SI: variants seen among roughly 807,000 people sequenced by gnomAD.
The protein encoded by SI is sucrase-isomaltase, intestinal.
In SI, 235 loss-of-function variants were observed where a neutral mutation model predicts 253.3. The observed-to-expected ratio is 0.93, with a 90% CI of 0.83 to 1.03. The LOEUF is 1.03. Among genes scored for constraint, SI ranks in the 50% least tolerant of loss-of-function variants. The pLI, the probability that SI is intolerant of heterozygous loss-of-function variation, is 0.00. For synonymous variants in SI, 819 were observed against 712.0 expected, an observed-to-expected ratio of 1.15 and a Z score of -2.39; for missense variants, 2,442 against 2,211.1, an observed-to-expected ratio of 1.10 and a Z score of -2.09.
chr3:165,053,796 G>T (rs1222947682), intron 13 of SI, among the ~76,000 whole-genome samples: 1 of 151,720 alleles, frequency 6.6e-6, no homozygotes, highest in Non-Finnish European at 1.5e-5. Flanking sequence ...AATCAAAGTG[G>T]CTCCTAACTA....
At position 165,030,880 on chromosome 3, in the gene SI, A is replaced by C. The variant is rs551368978; in HGVS notation, c.2737-13T>G. 7.4e-6 allele frequency: 11 copies of C among 1,496,294 alleles called. No individual in the cohort carries two copies. The African/African-American group carries it at 1.0e-4, about 14-fold the overall frequency. The allele number at this position is 1,496,294 out of a possible 1,614,324, so 92.7% of individuals were successfully genotyped here. ...CAATTAGGAGAACCTTTGAAGACAA[A>C]AAAAAAAAAAGAAAAAAAGAAAAAA... On this transcript the variant is annotated splice_polypyrimidine_tract_variant and intron_variant, in intron 24 of 47. Transcript: ENST00000264382.
chr3:165,015,310 G>A lies in SI; in HGVS notation c.3889-77C>T, dbSNP rs2108171171. 3 of 917,060 alleles carry A rather than the reference G, an allele frequency of 3.3e-6. No individual in the cohort carries two copies. The Middle Eastern group carries it at 6.4e-4, about 194-fold the overall frequency. The allele number at this position is 917,060 out of a possible 1,614,324, so 56.8% of individuals were successfully genotyped here. A position where few individuals can be genotyped will look rare whatever the true frequency, so the allele number is the denominator to read the frequency against. Reference sequence around the variant, plus strand: ...CTTGGACAGTGATTATGAAGCATAAGTTTTCATTACTACATTATCATAATA... The same window carrying A: ...CTTGGACAGTGATTATGAAGCATAAATTTTCATTACTACATTATCATAATA... On this transcript the variant is annotated intron_variant, in intron 32 of 47. Coordinates refer to ENST00000264382, the MANE Select transcript of SI (RefSeq NM_001041.4).
chr3:165,003,146 T>C (rs1303916598), intron 37 of SI, among the ~76,000 whole-genome samples: 1 of 151,866 alleles, frequency 6.6e-6, no homozygotes, highest in Non-Finnish European at 1.5e-5. Context: ...TTATTTAAAT[T>C]TACTAAGCAT....
At chr3:165,078,971 G>T (rs2108124282), upstream of SI, among the ~76,000 whole-genome samples, 1 of 151,554 alleles carries the variant, frequency 6.6e-6, no homozygotes, top group South Asian at 2.1e-4. Context: ...TCTTAAGGTT[G>T]AAAAAGTGAC....
intron 1 of SI, among the ~76,000 whole-genome samples, chr3:165,077,359 C>T (rs973637364): frequency 6.6e-6 from 1 of 151,572 alleles, no homozygotes; most frequent in Admixed American, 6.6e-5. Flanking sequence ...ATGTCCATTG[C>T]AATTATTTAT....
At chr3:165,021,588 T>C (rs1711623483) in intron 26 of SI, among the ~76,000 whole-genome samples, 1 of 151,610 alleles carries the variant, frequency 6.6e-6, no homozygotes, top group Non-Finnish European at 1.5e-5. Flanking sequence ...GAATACTGCA[T>C]TTTTGAACCT....
chr3:164,990,213 G>A (rs1652827276), intron 44 of SI, among the ~76,000 whole-genome samples: 1 of 152,142 alleles, frequency 6.6e-6, no homozygotes, highest in Admixed American at 6.6e-5. Context: ...CAATTTTGCT[G>A]TATAAAACTG....
the SI span, among the ~76,000 whole-genome samples, chr3:165,084,497 T>A: frequency 6.6e-6 from 1 of 152,046 alleles, no homozygotes; most frequent in African/African-American, 2.4e-5. Context: ...TCATTTGATA[T>A]GTAAAAATTT....
At chr3:165,030,589 C>T (rs1277237186) in intron 25 of SI, 123 bp downstream of exon 25, 5 of 1,026,806 alleles carry the variant, frequency 4.9e-6, no homozygotes, top group African/African-American at 3.3e-5. Context: ...ACTTCAAATT[C>T]CAAATGATTA....
chr3:165,087,925 C>T, the SI span, among the ~76,000 whole-genome samples: 665 of 152,108 alleles, frequency 4.4e-3, 3 homozygotes, highest in African/African-American at 0.015. Flanking sequence ...GTTTTAATGC[C>T]AGAAGGTATA....
intron 33 of SI, among the ~76,000 whole-genome samples, chr3:165,014,311 C>G (rs553937310): frequency 6.6e-6 from 1 of 151,902 alleles, no homozygotes; most frequent in Admixed American, 6.6e-5. Flanking sequence ...TTCAGTGGCT[C>G]GATCTTGGCT....
At chr3:164,983,923 A>C (rs1399974425) in intron 45 of SI, among the ~76,000 whole-genome samples, 1 of 152,100 alleles carries the variant, frequency 6.6e-6, no homozygotes, top group African/African-American at 2.4e-5. Context: ...TTTAAAACTC[A>C]TTTTAATGAT....
chr3:165,069,006 TAAGGTATTTTCC>T, intron 4 of SI, 60 bp downstream of exon 4: 1 of 1,127,466 alleles, frequency 8.9e-7, no homozygotes, highest in Non-Finnish European at 1.4e-6. Context: ...TGATTCTATT[TAAGGTATTTTCC>T]ACATTTTCGC....
At chr3:165,040,872 A>T in intron 18 of SI, 68 bp downstream of exon 18, 1 of 1,304,048 alleles carries the variant, frequency 7.7e-7, no homozygotes, top group South Asian at 1.2e-5. Context: ...TACCTCCATT[A>T]AACTTTTCTG....
Position 165,068,837 on chromosome 3 carries a change from A to T in SI, c.374-6T>A. On this transcript the variant is annotated splice_region_variant and splice_polypyrimidine_tract_variant and intron_variant, in intron 4 of 47. Transcript: ENST00000264382. ...GTTTAATTTGGCTTCAACTCCTTAA[A>T]GAATAAAAAAAAGCTGCCATGAGTG... The T allele has an allele frequency of 6.5e-7, 1 of 1,534,902 alleles. No individual in the cohort carries two copies. Among genetic ancestry groups the T allele is most frequent in the Non-Finnish European group, 8.8e-7 (1 of 1,135,342 alleles).
At chr3:165,015,850 G>A in intron 32 of SI, 102 bp downstream of exon 32, 1 of 1,040,160 alleles carries the variant, frequency 9.6e-7, no homozygotes, top group Non-Finnish European at 1.5e-6. Flanking sequence ...GTTACTCAAA[G>A]TTATATACTT....
Position 165,059,035 on chromosome 3 carries a change from T to G in SI, c.1326A>C (p.Ala442=). ...IGRRANGTTY[A]TYERGNTQHV... ...GTTGTGTGTTTCCCCTCTCATAGGT[T>G]GCATATGTTGTTCCATTGGCACGTC... The change falls in exon 12 of 48, where the codon GCA becomes GCC. Residue 442 remains alanine, a synonymous_variant. Transcript: ENST00000264382. The G allele has an allele frequency of 1.9e-6, 3 of 1,612,662 alleles. No individual in the cohort carries two copies. The highest frequency in any genetic ancestry group is 1.1e-5 in the South Asian group (1 of 91,072).
chr3:165,050,068 G>A (rs1436011292), intron 13 of SI, among the ~76,000 whole-genome samples, 193 bp from the exon 14 acceptor site: 1 of 152,078 alleles, frequency 6.6e-6, no homozygotes, highest in Non-Finnish European at 1.5e-5. Flanking sequence ...AGATGGGATA[G>A]AGAGATTTTA....
chr3:165,033,431 A>AT lies in SI; in HGVS notation c.2528dup (p.Asn843LysfsTer13). On this transcript the variant is annotated frameshift_variant, in exon 23 of 48. Coordinates refer to ENST00000264382, the MANE Select transcript of SI (RefSeq NM_001041.4). LOFTEE classifies it high-confidence loss of function. The stretch of plus-strand genomic sequence containing the variant: ...AAAATGTATATAATATGTAGTTGCC[A>AT]TTTTGTATTGTATCTGAAATGAAAA... The AT allele has an allele frequency of 6.5e-7, 1 of 1,547,038 alleles. No individual in the cohort carries two copies. The highest frequency in any genetic ancestry group is 2.4e-5 in the East Asian group (1 of 42,404).
Sources: gnomAD v4.1 joint callset for allele counts (sites outside exome capture counted in the v4.1 genomes callset) on GRCh38, gnomAD v4.1.1 for gene constraint, MANE v1.5 for transcripts, NCBI Gene and HGNC (gene_info 2026-07-23, HGNC 2026-07-21) for gene names.